Variants in TINAG observed in about 807,000 individuals in gnomAD.
The protein encoded by TINAG is tubulointerstitial nephritis antigen.
In TINAG, 83 loss-of-function variants were observed where a neutral mutation model predicts 72.7. The observed-to-expected ratio is 1.14, with a 90% CI of 0.96 to 1.37. TINAG has a LOEUF of 1.37. TINAG is among the 40% of genes most tolerant of loss of function. The probability of loss-of-function intolerance (pLI) is 0.00; values close to 1 mark genes in which losing one functional copy is unlikely to be tolerated. For missense variants in TINAG, 685 were observed against 576.6 expected (o/e 1.19, Z -1.93); for synonymous variants, 234 against 189.9 (o/e 1.23, Z -1.91).
intron 4 of TINAG, among the ~76,000 whole-genome samples, chr6:54,340,079 T>C (rs1462361341): frequency 3.9e-5 from 6 of 152,184 alleles, no homozygotes; most frequent in Admixed American, 2.6e-4. Flanking sequence ...GCAAATGTTA[T>C]ACAATTCTCC....
At chr6:54,316,539 G>A (rs144515848) in intron 1 of TINAG, among the ~76,000 whole-genome samples, 1 of 152,130 alleles carries the variant, frequency 6.6e-6, no homozygotes, top group Admixed American at 6.6e-5. Context: ...GAACAACCCT[G>A]GGGGGTGGAT....
At chr6:54,361,169 C>T (rs1763223440) in intron 9 of TINAG, among the ~76,000 whole-genome samples, 1 of 151,182 alleles carries the variant, frequency 6.6e-6, no homozygotes, top group Admixed American at 6.6e-5. Flanking sequence ...CTCTCTTTTC[C>T]TTAGGCCTAT....
At chr6:54,311,839 T>A (rs1226637491) in intron 1 of TINAG, among the ~76,000 whole-genome samples, 1 of 152,168 alleles carries the variant, frequency 6.6e-6, no homozygotes, top group Non-Finnish European at 1.5e-5. Flanking sequence ...AAACTTCAGC[T>A]AGAATTTTGA....
intron 5 of TINAG, among the ~76,000 whole-genome samples, chr6:54,344,612 C>T (rs1287883093): frequency 6.6e-6 from 1 of 152,030 alleles, no homozygotes; most frequent in Non-Finnish European, 1.5e-5. Context: ...TTATATTATG[C>T]CAGTATTTCT....
At chr6:54,333,227 A>G (rs904074236) in intron 4 of TINAG, among the ~76,000 whole-genome samples, 3 of 152,226 alleles carry the variant, frequency 2.0e-5, no homozygotes, top group Non-Finnish European at 2.9e-5. Flanking sequence ...CCAAATGCCC[A>G]TCAATAATGG....
At chr6:54,377,461 G>A (rs765102246) in intron 9 of TINAG, among the ~76,000 whole-genome samples, 3 of 152,124 alleles carry the variant, frequency 2.0e-5, no homozygotes, top group Non-Finnish European at 4.4e-5. Flanking sequence ...GCTATGAGCC[G>A]ATACTGTGTC....
chr6:54,320,813 A>T (rs1784474049), intron 2 of TINAG, among the ~76,000 whole-genome samples, 171 bp downstream of exon 2: 1 of 152,136 alleles, frequency 6.6e-6, no homozygotes, highest in Non-Finnish European at 1.5e-5. Flanking sequence ...ATTTTAAGGG[A>T]TTTTGAAAAT....
intron 9 of TINAG, among the ~76,000 whole-genome samples, chr6:54,378,608 G>A (rs1037207701): frequency 3.3e-5 from 5 of 152,062 alleles, no homozygotes; most frequent in Non-Finnish European, 5.9e-5. Context: ...GTAATAGTTC[G>A]TATTTCTTAA....
chr6:54,312,053 GTTTGTTT>G lies in TINAG; in HGVS notation c.355+3165_355+3171del, dbSNP rs543947638. On this transcript the variant is annotated intron_variant, in intron 1 of 10. Coordinates refer to ENST00000259782, the MANE Select transcript of TINAG (RefSeq NM_014464.4). ...ATTTATTTTGTATTGCTTTTTTTTT[GTTTGTTT>G]TTTGTTTTTTGTTTTTGACAGGGTC... 6.4e-4 allele frequency among the ~76,000 whole-genome samples: 96 copies of G among 150,572 alleles called. 1 individual carries two copies. In the South Asian group the frequency reaches 0.014, roughly 22 times the overall value.
chr6:54,338,719 C>CA (rs57231980), intron 4 of TINAG, among the ~76,000 whole-genome samples: 4,035 of 56,622 alleles, frequency 0.071, 328 homozygotes, highest in Non-Finnish European at 0.096. Context: ...GACTCTGTCT[C>CA]AAAAAAAAAA....
intron 4 of TINAG, among the ~76,000 whole-genome samples, chr6:54,342,500 C>A (rs550557188): frequency 1.2e-4 from 19 of 152,122 alleles, no homozygotes; most frequent in African/African-American, 4.6e-4. Context: ...TCCTGAGTAG[C>A]TGGGATTACA....
chr6:54,374,951 C>T (rs973564542), intron 9 of TINAG, among the ~76,000 whole-genome samples: 11 of 151,960 alleles, frequency 7.2e-5, no homozygotes, highest in African/African-American at 2.4e-4. Context: ...CAGAGTTTGT[C>T]TGCCCAGAAA....
intron 9 of TINAG, among the ~76,000 whole-genome samples, chr6:54,380,187 T>C (rs568290602): frequency 2.6e-5 from 4 of 152,308 alleles, no homozygotes; most frequent in African/African-American, 7.2e-5. Flanking sequence ...TTGATGGGCA[T>C]TTGGGTTAAT....
intron 9 of TINAG, among the ~76,000 whole-genome samples, chr6:54,379,856 G>A (rs1469823413): frequency 6.6e-6 from 1 of 151,564 alleles, no homozygotes; most frequent in Non-Finnish European, 1.5e-5. Context: ...AGGTATACAC[G>A]TGCCATGGTG....
intron 3 of TINAG, among the ~76,000 whole-genome samples, chr6:54,326,377 G>A (rs560150109): frequency 4.0e-5 from 6 of 151,488 alleles, no homozygotes; most frequent in South Asian, 2.1e-4. Flanking sequence ...CATTTTTCAT[G>A]CATACTTTTT....
intron 9 of TINAG, among the ~76,000 whole-genome samples, chr6:54,355,134 AGTTCAAAATTTG>A (rs1562169873): frequency 6.6e-6 from 1 of 151,946 alleles, no homozygotes; most frequent in Non-Finnish European, 1.5e-5. Context: ...GAAAGAAAGA[AGTTCAAAATTTG>A]GTGGTGGCAT....
intron 1 of TINAG, among the ~76,000 whole-genome samples, chr6:54,314,590 C>A (rs975717999): frequency 3.9e-5 from 6 of 151,968 alleles, no homozygotes; most frequent in Non-Finnish European, 7.4e-5. Context: ...CAATCTCTGC[C>A]AAAAATTAAG....
chr6:54,372,006 TTTGAGATGGA>T (rs1763631196), intron 9 of TINAG, among the ~76,000 whole-genome samples: 1 of 124,882 alleles, frequency 8.0e-6, no homozygotes, highest in African/African-American at 3.3e-5. Flanking sequence ...TTTTTTTTTT[TTTGAGATGGA>T]GTTTTACCCT....
At position 54,370,178 on chromosome 6, in the gene TINAG, G is replaced by A. The variant is rs915410324; in HGVS notation, c.1251-10348G>A. 5.9e-5 allele frequency among the ~76,000 whole-genome samples: 9 copies of A among 152,008 alleles called. No homozygotes were observed. In the East Asian group the frequency reaches 1.5e-3, roughly 26 times the overall value. On this transcript the variant is annotated intron_variant, in intron 9 of 10. Transcript: ENST00000259782. The stretch of plus-strand genomic sequence containing the variant: ...TTCTTCTTGCTGAATCTTTGAATTC[G>A]TGTCTGCTGTTATAATTGCATGCTC...
Sources: allele counts gnomAD v4.1 joint callset (sites outside exome capture counted in the v4.1 genomes callset), GRCh38; gene constraint gnomAD v4.1.1; transcripts MANE v1.5; gene names NCBI Gene and HGNC (gene_info 2026-07-23, HGNC 2026-07-21).